The following SLC16A7 variants were observed in gnomAD, a reference collection of about 807,000 sequenced individuals.
SLC16A7 encodes solute carrier family 16 member 7, also known as monocarboxylate transporter 2.
A neutral mutation model predicts 34.9 loss-of-function variants in SLC16A7; 33 were observed. That is an observed-to-expected ratio of 0.94 (90% CI 0.72 to 1.26). The LOEUF (loss-of-function observed/expected upper bound fraction) is 1.26, where lower values mean the gene tolerates loss of function less well. Among genes scored for constraint, SLC16A7 ranks in the 50% most tolerant of loss-of-function variants. The pLI is 0.00. For missense variants in SLC16A7, 573 were observed against 578.1 expected, an observed-to-expected ratio of 0.99 and a Z score of 0.09; for synonymous variants, 201 against 206.6, an observed-to-expected ratio of 0.97 and a Z score of 0.23.
chr12:59,738,978 G>T (rs1592610557), intron 3 of SLC16A7, among the ~76,000 whole-genome samples: 1 of 150,926 alleles, frequency 6.6e-6, no homozygotes, highest in East Asian at 1.9e-4. Flanking sequence ...ATATTAGGAT[G>T]CAAACTATTT....
intron 3 of SLC16A7, among the ~76,000 whole-genome samples, chr12:59,727,500 T>C (rs1030184560): frequency 6.6e-6 from 1 of 152,152 alleles, no homozygotes; most frequent in Non-Finnish European, 1.5e-5. Flanking sequence ...TTAGTAGAGA[T>C]GCACTTGAGA....
chr12:59,721,091 G>A (rs544404418), intron 3 of SLC16A7, among the ~76,000 whole-genome samples: 68 of 152,088 alleles, frequency 4.5e-4, no homozygotes, highest in South Asian at 3.3e-3. Flanking sequence ...AGGTGGGCCC[G>A]AAATGCTGCT....
intron 2 of SLC16A7, among the ~76,000 whole-genome samples, chr12:59,694,088 C>T (rs918454805): frequency 2.0e-5 from 3 of 151,828 alleles, no homozygotes; most frequent in African/African-American, 7.3e-5. Flanking sequence ...CAAGTAAAGC[C>T]AATCATAAAT....
chr12:59,631,988 A>G (rs965695297), intron 1 of SLC16A7, among the ~76,000 whole-genome samples: 3 of 151,994 alleles, frequency 2.0e-5, no homozygotes, highest in African/African-American at 4.8e-5. Context: ...AAGACAGAGT[A>G]TAAAAACCCT....
chr12:59,752,811 A>T (rs1207358095), intron 3 of SLC16A7, among the ~76,000 whole-genome samples: 2 of 152,210 alleles, frequency 1.3e-5, no homozygotes, highest in Non-Finnish European at 2.9e-5. Flanking sequence ...TGTCAGATTC[A>T]CCAAAGTTGA....
intron 1 of SLC16A7, among the ~76,000 whole-genome samples, chr12:59,621,240 C>A (rs1403687967): frequency 6.6e-6 from 1 of 151,880 alleles, no homozygotes; most frequent in Non-Finnish European, 1.5e-5. Flanking sequence ...GTCTCCCAAT[C>A]CCTGTGAGTA....
chr12:59,698,160 T>C (rs556570135), intron 2 of SLC16A7, among the ~76,000 whole-genome samples: 3 of 151,886 alleles, frequency 2.0e-5, no homozygotes, highest in African/African-American at 7.2e-5. Flanking sequence ...CTTATTACAA[T>C]AGCTTATAAT....
At chr12:59,648,426 G>A (rs962432879) in intron 1 of SLC16A7, among the ~76,000 whole-genome samples, 6 of 152,256 alleles carry the variant, frequency 3.9e-5, no homozygotes, top group South Asian at 2.1e-4. Flanking sequence ...CATATGATAT[G>A]TTAGTAATTG....
At chr12:59,716,691 TACAA>T (rs1874945925) in intron 3 of SLC16A7, among the ~76,000 whole-genome samples, 1 of 151,820 alleles carries the variant, frequency 6.6e-6, no homozygotes, top group African/African-American at 2.4e-5. Flanking sequence ...CTACCCAAAA[TACAA>T]ACAATTACTG....
chr12:59,603,177 C>T (rs573061964), intron 1 of SLC16A7, among the ~76,000 whole-genome samples: 1 of 152,312 alleles, frequency 6.6e-6, no homozygotes, highest in East Asian at 1.9e-4. Context: ...ATACTACCTA[C>T]AGTCATGTAA....
At chr12:59,633,711 G>A (rs567091284) in intron 1 of SLC16A7, among the ~76,000 whole-genome samples, 12 of 151,904 alleles carry the variant, frequency 7.9e-5, no homozygotes, top group South Asian at 4.2e-4. Flanking sequence ...GGAAACTTAC[G>A]GTCATGGTGG....
intron 2 of SLC16A7, among the ~76,000 whole-genome samples, chr12:59,695,379 G>A (rs1872163290): frequency 1.3e-5 from 2 of 151,928 alleles, no homozygotes; most frequent in Non-Finnish European, 2.9e-5. Context: ...CGATGGGTCC[G>A]AAGCCTCCTG....
intron 1 of SLC16A7, among the ~76,000 whole-genome samples, chr12:59,651,109 A>C (rs1270997530): frequency 6.6e-6 from 1 of 152,146 alleles, no homozygotes; most frequent in Non-Finnish European, 1.5e-5. Context: ...TTGCCTTTGC[A>C]GTGTGTCTTG....
At chr12:59,613,554 G>T (rs1879299342) in intron 1 of SLC16A7, among the ~76,000 whole-genome samples, 1 of 152,122 alleles carries the variant, frequency 6.6e-6, no homozygotes, top group African/African-American at 2.4e-5. Context: ...ACTTTTCTTT[G>T]CAGTTGACAA....
intron 1 of SLC16A7, among the ~76,000 whole-genome samples, chr12:59,613,596 A>C (rs1879301977): frequency 6.6e-6 from 1 of 152,228 alleles, no homozygotes; most frequent in Non-Finnish European, 1.5e-5. Context: ...GCAACAAAAT[A>C]TCTCTTTCTT....
At position 59,612,960 on chromosome 12, in the gene SLC16A7, C is replaced by T. The variant is rs143583664; in HGVS notation, c.-130+16724C>T. 1.8e-3 allele frequency among the ~76,000 whole-genome samples: 271 copies of T among 152,332 alleles called. 2 individuals are homozygous for T. The highest frequency in any genetic ancestry group is 6.4e-3 in the African/African-American group (265 of 41,572). On this transcript the variant is annotated intron_variant, in intron 1 of 5. Coordinates refer to ENST00000547379, the MANE Select transcript of SLC16A7 (RefSeq NM_001270623.2). The stretch of plus-strand genomic sequence containing the variant: ...TCTGAGCCCTCCAAACTGTTCCAAC[C>T]TCTGCCTATTACCCAGTTCCAAAGT...
chr12:59,661,661 T>C (rs544400018), intron 2 of SLC16A7, among the ~76,000 whole-genome samples: 1 of 152,260 alleles, frequency 6.6e-6, no homozygotes, highest in East Asian at 1.9e-4. Flanking sequence ...TCTTTTCCAT[T>C]AGTGAGCCAC....
intron 2 of SLC16A7, among the ~76,000 whole-genome samples, chr12:59,662,150 T>A (rs1868887594): frequency 6.6e-6 from 1 of 152,118 alleles, no homozygotes; most frequent in African/African-American, 2.4e-5. Flanking sequence ...AGCCTTCTGT[T>A]CTTTAGAATT....
chr12:59,699,768 C>A (rs74910371), intron 2 of SLC16A7, among the ~76,000 whole-genome samples: 1 of 151,876 alleles, frequency 6.6e-6, no homozygotes, highest in African/African-American at 2.4e-5. Flanking sequence ...TGATTCACAG[C>A]ACTTTTGCAA....
Sources: gnomAD v4.1 joint callset for allele counts (sites outside exome capture counted in the v4.1 genomes callset) on GRCh38, gnomAD v4.1.1 for gene constraint, MANE v1.5 for transcripts, NCBI Gene and HGNC (gene_info 2026-07-23, HGNC 2026-07-21) for gene names.